The following DSCAM variants were observed in gnomAD, a reference collection of about 807,000 sequenced individuals.
DSCAM encodes cell adhesion molecule DSCAM.
DSCAM carries 47 observed loss-of-function variants against 217.7 expected under a neutral mutation model. The observed-to-expected ratio is 0.22, with a 90% CI of 0.17 to 0.28. The LOEUF is 0.28. Among genes scored for constraint, DSCAM ranks in the 10% least tolerant of loss-of-function variants. DSCAM has a pLI of 1.00. For missense variants in DSCAM, 2,080 were observed against 2,618.3 expected, an observed-to-expected ratio of 0.79 and a Z score of 4.49; for synonymous variants, 1,056 against 1,015.3, an observed-to-expected ratio of 1.04 and a Z score of -0.76.
intron 3 of DSCAM, among the ~76,000 whole-genome samples, chr21:40,472,816 A>G (rs1310956211): frequency 2.8e-4 from 42 of 152,088 alleles, no homozygotes; most frequent in Admixed American, 2.7e-3. Context: ...TAGAATAACA[A>G]TTCTCCCAAT....
chr21:40,669,464 A>C (rs1456561479), intron 3 of DSCAM, among the ~76,000 whole-genome samples: 1 of 152,240 alleles, frequency 6.6e-6, no homozygotes, highest in Admixed American at 6.5e-5. Context: ...TTAACAGAAC[A>C]GACCAAAATC....
intron 1 of DSCAM, among the ~76,000 whole-genome samples, chr21:40,716,356 G>A (rs920825857): frequency 6.6e-6 from 1 of 151,988 alleles, no homozygotes; most frequent in Non-Finnish European, 1.5e-5. Context: ...TCCAGTAAGG[G>A]CAGAGGCAAC....
At chr21:40,454,070 A>T (rs2075743947) in intron 3 of DSCAM, among the ~76,000 whole-genome samples, 1 of 152,228 alleles carries the variant, frequency 6.6e-6, no homozygotes, top group Admixed American at 6.5e-5. Context: ...TTACGGACTG[A>T]AACAGAAAGA....
intron 3 of DSCAM, among the ~76,000 whole-genome samples, chr21:40,549,392 T>C (rs1031935096): frequency 1.3e-5 from 2 of 151,060 alleles, no homozygotes; most frequent in African/African-American, 4.9e-5. Flanking sequence ...TACTTCGAGA[T>C]AAAAAAAAAC....
chr21:40,322,516 G>A (rs918777054), intron 8 of DSCAM, among the ~76,000 whole-genome samples: 2 of 122,090 alleles, frequency 1.6e-5, no homozygotes, highest in African/African-American at 5.6e-5. Context: ...TAGAAAGCGG[G>A]AGCAATTTTT....
intron 3 of DSCAM, among the ~76,000 whole-genome samples, chr21:40,597,083 CA>C (rs1456392869): frequency 5.3e-5 from 8 of 152,062 alleles, no homozygotes; most frequent in African/African-American, 1.9e-4. Flanking sequence ...TTTACCAACC[CA>C]ATTAATTTAT....
chr21:40,292,721 T>C (rs532178038), intron 10 of DSCAM, among the ~76,000 whole-genome samples: 66 of 152,156 alleles, frequency 4.3e-4, no homozygotes, highest in African/African-American at 1.5e-3. Context: ...ACAGAAGTCA[T>C]TAGAAGTCAT....
At chr21:40,629,074 GTGGTGTGTGTGTGTGTGTGTGTGTGTGT>G (rs1178126939) in intron 3 of DSCAM, among the ~76,000 whole-genome samples, 2 of 133,406 alleles carry the variant, frequency 1.5e-5, no homozygotes. Flanking sequence ...ATGTGTGTGT[GTGGTGTGTGTGTGTGTGTGTGTGTGTGT>G]GTGTGTGTGT....
intron 15 of DSCAM, among the ~76,000 whole-genome samples, chr21:40,169,881 T>C (rs1350715351): frequency 6.6e-6 from 1 of 152,122 alleles, no homozygotes; most frequent in Non-Finnish European, 1.5e-5. Flanking sequence ...ATCGTCCTTA[T>C]GGGGATCCCT....
At chr21:40,271,160 T>C (rs572952370) in intron 11 of DSCAM, among the ~76,000 whole-genome samples, 1 of 152,166 alleles carries the variant, frequency 6.6e-6, no homozygotes, top group Non-Finnish European at 1.5e-5. Context: ...AGAAATCTGA[T>C]GGGCACAGCG....
At chr21:40,272,612 G>C (rs2073634010) in intron 11 of DSCAM, among the ~76,000 whole-genome samples, 1 of 152,170 alleles carries the variant, frequency 6.6e-6, no homozygotes, top group Non-Finnish European at 1.5e-5. Flanking sequence ...GGATCTCACA[G>C]TGAGCCCCCA....
At chr21:40,457,557 A>C (rs375775422) in intron 3 of DSCAM, among the ~76,000 whole-genome samples, 18 of 144,566 alleles carry the variant, frequency 1.2e-4, no homozygotes, top group Non-Finnish European at 2.3e-4. Context: ...AACAAACAAA[A>C]AAACCTGTAT....
At chr21:40,344,376 T>C (rs1770830041) in intron 6 of DSCAM, among the ~76,000 whole-genome samples, 1 of 152,228 alleles carries the variant, frequency 6.6e-6, no homozygotes, top group African/African-American at 2.4e-5. Flanking sequence ...CCTGTAGATA[T>C]AAATGTCCAT....
At chr21:40,746,375 C>CAAAA (rs3071028) in intron 1 of DSCAM, among the ~76,000 whole-genome samples, 5 of 142,012 alleles carry the variant, frequency 3.5e-5, no homozygotes, top group East Asian at 2.0e-4. Context: ...CAAATTGAAG[C>CAAAA]AAAAAAAAAA....
chr21:40,221,074 G>A (rs1417033350), intron 11 of DSCAM, among the ~76,000 whole-genome samples: 1 of 152,098 alleles, frequency 6.6e-6, no homozygotes, highest in African/African-American at 2.4e-5. Context: ...GAGAAGCAAA[G>A]TAAGGATTTA....
At chr21:40,073,719 T>C (rs1422882321) in intron 27 of DSCAM, among the ~76,000 whole-genome samples, 1 of 152,220 alleles carries the variant, frequency 6.6e-6, no homozygotes, top group East Asian at 1.9e-4. Flanking sequence ...CTTTCACTGG[T>C]AGCTGCTTAT....
Position 40,332,875 on chromosome 21 carries a change from A to T in DSCAM, c.1783+5226T>A, listed in dbSNP as rs2074391488. 2.6e-5 allele frequency among the ~76,000 whole-genome samples: 4 copies of T among 152,372 alleles called. No homozygotes were observed. In the South Asian group the frequency reaches 8.3e-4, roughly 32 times the overall value. On this transcript the variant is annotated intron_variant, in intron 8 of 32. Coordinates refer to ENST00000400454, the MANE Select transcript of DSCAM (RefSeq NM_001389.5). ...GTTATGACTATTGCCAGGAAAAGAC[A>T]TGATGAAAAAATAGTATTGTTTCCA...
chr21:40,536,741 G>C (rs2076502699), intron 3 of DSCAM, among the ~76,000 whole-genome samples: 1 of 152,064 alleles, frequency 6.6e-6, no homozygotes, highest in Non-Finnish European at 1.5e-5. Context: ...GTGAAGATTT[G>C]GTCTTATTAA....
intron 26 of DSCAM, among the ~76,000 whole-genome samples, chr21:40,077,990 C>G (rs111282047): frequency 0.041 from 6,310 of 152,322 alleles, 185 homozygotes; most frequent in Non-Finnish European, 0.063. Flanking sequence ...GTCGAGGACT[C>G]GCTCCTTTCA....
Sources: allele counts gnomAD v4.1 joint callset (sites outside exome capture counted in the v4.1 genomes callset), GRCh38; gene constraint gnomAD v4.1.1; transcripts MANE v1.5; gene names NCBI Gene and HGNC (gene_info 2026-07-23, HGNC 2026-07-21).